CENPE: variants seen among roughly 807,000 people sequenced by gnomAD.
The protein encoded by CENPE is centromere protein E.
CENPE carries 145 observed loss-of-function variants against 336.1 expected under a neutral mutation model. That is an observed-to-expected ratio of 0.43 (90% CI 0.38 to 0.50). CENPE has a LOEUF of 0.50. Ranked by LOEUF, CENPE falls within the 20% of genes least tolerant of loss-of-function variation. The pLI, the probability that CENPE is intolerant of heterozygous loss-of-function variation, is 0.00. For synonymous variants in CENPE, 1,013 were observed against 984.8 expected, an observed-to-expected ratio of 1.03 and a Z score of -0.54; for missense variants, 2,719 against 3,023.3, an observed-to-expected ratio of 0.90 and a Z score of 2.36.
intron 15 of CENPE, 60 bp downstream of exon 15, chr4:103,175,900 A>T: frequency 9.3e-7 from 1 of 1,077,784 alleles, no homozygotes; most frequent in Non-Finnish European, 1.4e-6. Context: ...ACAAAACCTA[A>T]TAACAAAAGA....
Position 103,145,217 on chromosome 4 carries a change from G to T in CENPE, c.4690C>A (p.Leu1564Ile), listed in dbSNP as rs779297603. The change falls in exon 32 of 49, where the codon CTA becomes ATA. Residue 1564 changes from leucine (L) to isoleucine (I), a missense_variant. Leu to Ile is a conservative substitution (Grantham distance 5). Coordinates refer to ENST00000265148, the MANE Select transcript of CENPE (RefSeq NM_001813.3). ...AGCATCTTACTTTCTATACTTTGTA[G>T]TGCTGAATCCTTGGCTTTGCGATGC... ...KEHRKAKDSA[L>I]QSIESKMLEL... The T allele has an allele frequency of 3.1e-6, 5 of 1,613,682 alleles. No individual in the cohort carries two copies. The highest frequency in any genetic ancestry group is 3.4e-6 in the Non-Finnish European group (4 of 1,179,828).
chr4:103,165,847 T>C lies in CENPE; in HGVS notation c.1648-2294A>G, dbSNP rs1312718667. ...AAAGAAAAAGTTTTTTAATTATATG[T>C]CTTTTAGATTAGAAAGCTGAGCTTT... is the stretch of plus-strand genomic sequence containing the variant. On this transcript the variant is annotated intron_variant, in intron 16 of 48. Coordinates refer to ENST00000265148, the MANE Select transcript of CENPE (RefSeq NM_001813.3). 2.0e-5 allele frequency among the ~76,000 whole-genome samples: 3 copies of C among 150,346 alleles called. No individual in the cohort carries two copies. In the East Asian group the frequency reaches 5.9e-4, roughly 29 times the overall value.
rs765740761 is a variant in CENPE at position 103,185,869 on chromosome 4, A to G, written c.694-8T>C. On this transcript the variant is annotated splice_polypyrimidine_tract_variant and splice_region_variant and intron_variant, in intron 8 of 48. Coordinates refer to ENST00000265148, the MANE Select transcript of CENPE (RefSeq NM_001813.3). Reference sequence around the variant, plus strand: ...TGCAAGATCAACCAAATTCTGTAAGATAGATAAAAATAAATCCTTAGGGCA... The same window carrying G: ...TGCAAGATCAACCAAATTCTGTAAGGTAGATAAAAATAAATCCTTAGGGCA... 3 of 1,595,838 alleles carry G rather than the reference A, an allele frequency of 1.9e-6. No individual in the cohort carries two copies. In the South Asian group the frequency reaches 3.4e-5, roughly 18 times the overall value.
rs372305495 is a variant in CENPE at position 103,138,445 on chromosome 4, C to T, written c.6209G>A (p.Arg2070Gln). ...ATLREMIARD[R>Q]QNHQVKPEKR... ...TTCAGGTTTTACTTGGTGGTTCTGT[C>T]GGTCCTGCTTTGGTAAAAAGAAAAT... Residue 2070 changes from arginine (R) to glutamine (Q), a missense_variant, in exon 39 of 49, where the codon CGA (arginine) becomes CAA (glutamine). Arg to Gln is a conservative substitution (Grantham distance 43). Coordinates refer to ENST00000265148, the MANE Select transcript of CENPE (RefSeq NM_001813.3). The T allele has an allele frequency of 2.4e-5, 39 of 1,611,650 alleles. No homozygotes were observed. Among genetic ancestry groups the T allele is most frequent in the East Asian group, 4.5e-5 (2 of 44,826 alleles).
intron 8 of CENPE, among the ~76,000 whole-genome samples, chr4:103,190,312 C>T (rs1051188833): frequency 1.3e-5 from 2 of 152,036 alleles, no homozygotes; most frequent in African/African-American, 4.8e-5. Flanking sequence ...CATATGGAAC[C>T]AAAAAAGAGC....
Position 103,195,097 on chromosome 4 carries a change from T to C in CENPE, c.477+17A>G. The C allele has an allele frequency of 8.3e-6, 13 of 1,564,906 alleles. No individual in the cohort carries two copies. The highest frequency in any genetic ancestry group is 1.1e-5 in the Non-Finnish European group (13 of 1,166,248). On this transcript the variant is annotated intron_variant, in intron 5 of 48. Transcript: ENST00000265148. ...TAAGTCAGTCAATTTTAAAGCTCCC[T>C]TAAGTCTGCTACTCACATTGACATC...
chr4:103,164,087 A>G (rs909149058), intron 16 of CENPE, among the ~76,000 whole-genome samples: 2 of 152,102 alleles, frequency 1.3e-5, no homozygotes, highest in African/African-American at 4.8e-5. Context: ...CAATATTATT[A>G]CTTTTCACCA....
intron 33 of CENPE, among the ~76,000 whole-genome samples, 174 bp from the exon 34 acceptor site, chr4:103,143,580 A>ACC (rs1383115560): frequency 6.6e-6 from 1 of 150,474 alleles, no homozygotes; most frequent in Non-Finnish European, 1.5e-5. Flanking sequence ...TCCTGAACTT[A>ACC]CCCTGTTCCC....
chr4:103,108,114 T>G (rs1749053022), intron 48 of CENPE, among the ~76,000 whole-genome samples: 1 of 152,166 alleles, frequency 6.6e-6, no homozygotes, highest in African/African-American at 2.4e-5. Context: ...GCCTGAGATG[T>G]TTTTCCCTCT....
At chr4:103,169,415 T>C (rs559426108) in intron 16 of CENPE, among the ~76,000 whole-genome samples, 10 of 152,250 alleles carry the variant, frequency 6.6e-5, no homozygotes, top group Admixed American at 4.6e-4. Flanking sequence ...CATATCCACA[T>C]ATAGGAAGGT....
At chr4:103,146,173 C>G (rs952409351) in intron 29 of CENPE, 66 bp from the exon 30 acceptor site, 3 of 1,439,902 alleles carry the variant, frequency 2.1e-6, no homozygotes, top group Non-Finnish European at 1.9e-6. Context: ...GAAAATAAAT[C>G]AGGATGCTTT....
At chr4:103,181,546 TA>T (rs1578673424) in intron 11 of CENPE, 90 bp from the exon 12 acceptor site, 4 of 1,109,326 alleles carry the variant, frequency 3.6e-6, no homozygotes, top group Admixed American at 3.3e-5. Flanking sequence ...TATTCAAGAT[TA>T]AAAAAATCAA....
rs1339841078 is a variant in CENPE, at chr4:103,133,754, C to T, written c.6661G>A (p.Val2221Ile). ...KIQHLQQDCD[V>I]PSRELRDLKL... ...AGATCCCTTAATTCTCTGGATGGTA[C>T]ATCACAATCTTGTTGAAGGTGCTGT... The change falls in exon 41 of 49, where the codon GTA (valine) becomes ATA (isoleucine). Residue 2221 changes from valine (V) to isoleucine (I), a missense_variant. By Grantham distance (29) the Val-to-Ile change is conservative. Coordinates refer to ENST00000265148, the MANE Select transcript of CENPE (RefSeq NM_001813.3). The T allele has an allele frequency of 1.2e-6, 2 of 1,611,930 alleles. No individual in the cohort carries two copies. The highest frequency in any genetic ancestry group is 8.5e-7 in the Non-Finnish European group (1 of 1,178,686).
intron 46 of CENPE, among the ~76,000 whole-genome samples, chr4:103,111,386 G>A (rs543078503): frequency 1.3e-5 from 2 of 152,192 alleles, no homozygotes; most frequent in African/African-American, 2.4e-5. Context: ...GTGGCGGGGA[G>A]GTGAGGTAGG....
chr4:103,159,905 G>C (rs1754292922), intron 21 of CENPE, among the ~76,000 whole-genome samples: 1 of 151,778 alleles, frequency 6.6e-6, no homozygotes. Flanking sequence ...AGGGCAGAGA[G>C]AGATGAGAAA....
In CENPE at chr4:103,132,960, T is replaced by TTATATATA. The variant is rs56951110; in HGVS notation, c.6721-72_6721-65dup. ...GAAAGTTTTGATCCAAATATTTTAT[T>TTATATATA]TATATATATATATATATATATATAA... On this transcript the variant is annotated intron_variant, in intron 41 of 48. Coordinates refer to ENST00000265148, the MANE Select transcript of CENPE (RefSeq NM_001813.3). 166 of 148,206 alleles carry TTATATATA rather than the reference T, an allele frequency of 1.1e-3. 2 individuals carry two copies. Among genetic ancestry groups the TTATATATA allele is most frequent in the East Asian group, 6.0e-3 (43 of 7,148 alleles). The allele number at this position is 148,206 out of a possible 1,614,324, so 9.2% of individuals were successfully genotyped here. A position where few individuals can be genotyped will look rare whatever the true frequency, so the allele number is the denominator to read the frequency against.
chr4:103,182,962 T>A, intron 10 of CENPE, 71 bp from the exon 11 acceptor site: 1 of 1,449,444 alleles, frequency 6.9e-7, no homozygotes, highest in Non-Finnish European at 9.4e-7. Context: ...TGGTTTTTAA[T>A]GCAGAACTCT....
chr4:103,189,190 AC>A (rs1473886760), intron 8 of CENPE, among the ~76,000 whole-genome samples: 15 of 152,206 alleles, frequency 9.9e-5, no homozygotes, highest in Non-Finnish European at 1.9e-4. Context: ...AGATGGATTC[AC>A]AGCCGAATTC....
intron 29 of CENPE, 49 bp downstream of exon 29, chr4:103,147,307 T>C (rs770208339): frequency 3.4e-6 from 5 of 1,469,078 alleles, no homozygotes; most frequent in Non-Finnish European, 4.6e-6. Flanking sequence ...ACACAAGCCT[T>C]GATTCTTATA....
Sources: gnomAD v4.1 joint callset for allele counts (sites outside exome capture counted in the v4.1 genomes callset) on GRCh38, gnomAD v4.1.1 for gene constraint, MANE v1.5 for transcripts, NCBI Gene and HGNC (gene_info 2026-07-23, HGNC 2026-07-21) for gene names.